Variants in MARK1 observed in about 807,000 individuals in gnomAD.
The protein encoded by MARK1 is microtubule affinity regulating kinase 1.
A neutral mutation model predicts 96.3 loss-of-function variants in MARK1; 40 were observed. The ratio of observed to expected loss-of-function variants is 0.42; its 90% CI spans 0.32 to 0.54. The LOEUF (loss-of-function observed/expected upper bound fraction) is 0.54, where lower values mean the gene tolerates loss of function less well. Among genes scored for constraint, MARK1 ranks in the 20% least tolerant of loss-of-function variants. MARK1 has a pLI of 0.16. For synonymous variants in MARK1, 317 were observed against 341.2 expected (o/e 0.93, Z 0.78); for missense variants, 719 against 984.6 (o/e 0.73, Z 3.61).
In MARK1 at chr1:220,542,851, A is replaced by C. The variant is rs55925688; in HGVS notation, c.51+13978A>C. 8.1e-3 allele frequency among the ~76,000 whole-genome samples: 1,235 copies of C among 152,262 alleles called. 12 individuals are homozygous for C. Among genetic ancestry groups the C allele is most frequent in the Non-Finnish European group, 0.012 (845 of 68,022 alleles). On this transcript the variant is annotated intron_variant, in intron 1 of 17. Transcript: ENST00000366917. ...ACTGCACTGTAGAAATTCTGGAATA[A>C]GTTTTTTGTAAATGGGTCTTCAGAA... is the stretch of plus-strand genomic sequence containing the variant.
At chr1:220,587,357 C>T (rs1403876531) in intron 3 of MARK1, among the ~76,000 whole-genome samples, 2 of 148,422 alleles carry the variant, frequency 1.3e-5, no homozygotes, top group Non-Finnish European at 3.0e-5. Flanking sequence ...CTCTCTGTCT[C>T]TCTCTCTGTC....
chr1:220,537,161 A>G (rs553739445), intron 1 of MARK1, among the ~76,000 whole-genome samples: 3 of 150,422 alleles, frequency 2.0e-5, no homozygotes, highest in East Asian at 2.0e-4. Context: ...ATATGTATAC[A>G]TGTGCCATGC....
Position 220,528,423 on chromosome 1 carries a change from A to T in MARK1, c.-400A>T. ...GGTTCCTGACGCCCAGGCGCTCGCCAGGACGAGCCAGGCAGTGATTTGAGG... is the reference window on the plus strand; with the variant it reads ...GGTTCCTGACGCCCAGGCGCTCGCCTGGACGAGCCAGGCAGTGATTTGAGG... On this transcript the variant is annotated 5_prime_UTR_variant, in exon 1 of 18. Coordinates refer to ENST00000366917, the MANE Select transcript of MARK1 (RefSeq NM_018650.5). 5.5e-6 allele frequency: 1 copy of T among 182,332 alleles called. No homozygotes were observed. The highest frequency in any genetic ancestry group is 6.3e-5 in the Admixed American group (1 of 15,984). 11.3% of individuals were successfully genotyped at this position (182,332 alleles called of 1,614,324 possible).
At chr1:220,541,637 C>G (rs755583925) in intron 1 of MARK1, among the ~76,000 whole-genome samples, 1 of 152,142 alleles carries the variant, frequency 6.6e-6, no homozygotes, top group Non-Finnish European at 1.5e-5. Flanking sequence ...TGAATTGATG[C>G]TTTTATCACT....
chr1:220,599,815 A>G lies in MARK1; in HGVS notation c.376A>G (p.Ile126Val). Residue 126 changes from isoleucine (I) to valine (V), a missense_variant, in exon 5 of 18, where the codon ATT (isoleucine) becomes GTT (valine). By Grantham distance (29) the Ile-to-Val change is conservative (BLOSUM62 3). Around this residue, in one of 4 missense-constraint regions of MARK1, gnomAD observed 96 missense variants for 213.1 expected, o/e 0.45. Transcript: ENST00000366917. ...TTTTTCAGTAAAATTGTTTGAAGTT[A>G]TTGAAACAGAGAAGACTCTCTATTT... ...HPNIVKLFEV[I>V]ETEKTLYLVM... 1.2e-6 allele frequency: 2 copies of G among 1,606,766 alleles called. No homozygotes were observed. The highest frequency in any genetic ancestry group is 8.5e-7 in the Non-Finnish European group (1 of 1,174,786).
At chr1:220,555,076 G>A (rs939527511) in intron 1 of MARK1, among the ~76,000 whole-genome samples, 1 of 152,198 alleles carries the variant, frequency 6.6e-6, no homozygotes, top group African/African-American at 2.4e-5. Context: ...AACTGGGGAA[G>A]TAACCACAGA....
At chr1:220,653,470 C>T (rs1669000466) in intron 16 of MARK1, 118 bp downstream of exon 16, 1 of 1,104,076 alleles carries the variant, frequency 9.1e-7, no homozygotes, top group African/African-American at 1.6e-5. Flanking sequence ...TTCATTAGAG[C>T]TGCTCTTTTA....
chr1:220,533,501 A>G (rs1015307581), intron 1 of MARK1, among the ~76,000 whole-genome samples: 4 of 152,044 alleles, frequency 2.6e-5, no homozygotes, highest in Non-Finnish European at 5.9e-5. Flanking sequence ...CCTGATGAAT[A>G]TCTGTGGAAG....
intron 1 of MARK1, among the ~76,000 whole-genome samples, chr1:220,557,487 A>T (rs896697293): frequency 6.6e-6 from 1 of 152,114 alleles, no homozygotes; most frequent in Non-Finnish European, 1.5e-5. Context: ...TGAGCCCAGG[A>T]GGTGGAGGTT....
intron 3 of MARK1, among the ~76,000 whole-genome samples, chr1:220,583,474 C>T (rs1167426844): frequency 6.6e-6 from 1 of 152,130 alleles, no homozygotes; most frequent in Non-Finnish European, 1.5e-5. Flanking sequence ...ATAATATGCT[C>T]ATATTATTTG....
At chr1:220,636,261 T>C (rs1667962080) in intron 13 of MARK1, among the ~76,000 whole-genome samples, 1 of 152,196 alleles carries the variant, frequency 6.6e-6, no homozygotes, top group Non-Finnish European at 1.5e-5. Context: ...CATGAAACTT[T>C]CCTGCTTCAT....
intron 13 of MARK1, among the ~76,000 whole-genome samples, chr1:220,643,243 T>C (rs963087461): frequency 6.6e-6 from 1 of 152,020 alleles, no homozygotes; most frequent in Non-Finnish European, 1.5e-5. Flanking sequence ...ATAACCAGTT[T>C]AGAGAGGAGC....
intron 13 of MARK1, among the ~76,000 whole-genome samples, chr1:220,643,469 A>G (rs1176936409): frequency 6.6e-6 from 1 of 152,156 alleles, no homozygotes; most frequent in Non-Finnish European, 1.5e-5. Context: ...CTTAAAAGAG[A>G]CAGGGAGAAT....
At chr1:220,642,903 G>A (rs1481562743) in intron 13 of MARK1, among the ~76,000 whole-genome samples, 1 of 152,032 alleles carries the variant, frequency 6.6e-6, no homozygotes, top group East Asian at 1.9e-4. Context: ...CAAACAGAAA[G>A]CAACGACAAG....
chr1:220,535,570 A>G (rs1660628968), intron 1 of MARK1, among the ~76,000 whole-genome samples: 1 of 152,122 alleles, frequency 6.6e-6, no homozygotes, highest in South Asian at 2.1e-4. Context: ...TTGATATCAT[A>G]TACAAGAAAT....
At chr1:220,540,307 A>C (rs1661042359) in intron 1 of MARK1, among the ~76,000 whole-genome samples, 1 of 152,224 alleles carries the variant, frequency 6.6e-6, no homozygotes, top group Admixed American at 6.5e-5. Flanking sequence ...TAATGCCTGC[A>C]AGCAGGATAA....
At chr1:220,659,116 T>C (rs1669329017) in intron 17 of MARK1, among the ~76,000 whole-genome samples, 1 of 152,228 alleles carries the variant, frequency 6.6e-6, no homozygotes. Context: ...AATTAGTAAC[T>C]GATATTTTAT....
At chr1:220,532,168 C>A (rs1376808903) in intron 1 of MARK1, among the ~76,000 whole-genome samples, 1 of 152,030 alleles carries the variant, frequency 6.6e-6, no homozygotes, top group Admixed American at 6.5e-5. Flanking sequence ...ACTAAAAAGC[C>A]TTTAATAAAA....
intron 6 of MARK1, among the ~76,000 whole-genome samples, chr1:220,610,784 G>A (rs1318767774): frequency 4.6e-5 from 7 of 152,230 alleles, no homozygotes; most frequent in Middle Eastern, 3.4e-3. Context: ...CTTTCTGTTT[G>A]TTAGTTTTCC....
Sources: gnomAD v4.1 joint callset for allele counts (sites outside exome capture counted in the v4.1 genomes callset) on GRCh38, gnomAD v4.1.1 for gene constraint, gnomAD v4.1.1 regional missense constraint, MANE v1.5 for transcripts, NCBI Gene and HGNC (gene_info 2026-07-23, HGNC 2026-07-21) for gene names.